The following SMYD3 variants were observed in gnomAD, a reference collection of about 807,000 sequenced individuals.
SMYD3 encodes SET and MYND domain containing 3.
SMYD3 carries 36 observed loss-of-function variants against 57.7 expected under a neutral mutation model. The ratio of observed to expected loss-of-function variants is 0.62; its 90% CI spans 0.48 to 0.82. The LOEUF (loss-of-function observed/expected upper bound fraction) is 0.82. SMYD3 is among the 40% of genes least tolerant of loss of function. The pLI is 0.00. For synonymous variants in SMYD3, 211 were observed against 195.0 expected (o/e 1.08, Z -0.68); for missense variants, 515 against 538.8 (o/e 0.96, Z 0.44).
chr1:246,185,307 G>A (rs961061682), intron 5 of SMYD3, among the ~76,000 whole-genome samples: 2 of 151,896 alleles, frequency 1.3e-5, no homozygotes, highest in Admixed American at 6.6e-5. Flanking sequence ...GCGCGATCTC[G>A]GCTACTGCAA....
chr1:246,446,996 T>G (rs538730210), intron 1 of SMYD3, among the ~76,000 whole-genome samples: 5 of 143,350 alleles, frequency 3.5e-5, no homozygotes, highest in Non-Finnish European at 4.5e-5. Flanking sequence ...GCCACTGCAC[T>G]CCAGCCTCGG....
chr1:245,750,148 C>T (rs1216248407), intron 11 of SMYD3, among the ~76,000 whole-genome samples: 1 of 152,144 alleles, frequency 6.6e-6, no homozygotes, highest in Non-Finnish European at 1.5e-5. Context: ...TCCTTCACTG[C>T]TCATATTTGG....
chr1:246,013,900 A>G (rs1036144656), intron 5 of SMYD3, among the ~76,000 whole-genome samples: 2 of 152,228 alleles, frequency 1.3e-5, no homozygotes, highest in African/African-American at 2.4e-5. Context: ...GCTTTCTGGT[A>G]TACGGTACAC....
intron 5 of SMYD3, among the ~76,000 whole-genome samples, chr1:246,326,595 C>A (rs57901403): frequency 0.28 from 27,261 of 95,848 alleles, 2,640 homozygotes; most frequent in Non-Finnish European, 0.34. Context: ...TCTACAAAAA[C>A]AAAAAAAAAA....
chr1:246,010,282 T>C (rs540657897), intron 5 of SMYD3, among the ~76,000 whole-genome samples: 1 of 152,006 alleles, frequency 6.6e-6, no homozygotes, highest in Admixed American at 6.6e-5. Flanking sequence ...GGATAAAAAT[T>C]GACTTTTAAA....
intron 5 of SMYD3, among the ~76,000 whole-genome samples, chr1:246,092,104 TTAGAC>T (rs1252269284): frequency 6.6e-6 from 1 of 152,168 alleles, no homozygotes; most frequent in Non-Finnish European, 1.5e-5. Flanking sequence ...AAAAGTCAAT[TTAGAC>T]TAAAGGCCAT....
intron 5 of SMYD3, among the ~76,000 whole-genome samples, chr1:246,165,090 G>A (rs542454170): frequency 5.3e-5 from 8 of 152,322 alleles, no homozygotes; most frequent in African/African-American, 1.9e-4. Context: ...CCAGGGAAAA[G>A]CGTTCCCGAA....
chr1:245,953,253 G>C, intron 5 of SMYD3: 1 of 999,874 alleles, frequency 1.0e-6, no homozygotes, highest in Non-Finnish European at 1.2e-6. Flanking sequence ...TTCTTCCATA[G>C]TTTAAATTTG....
chr1:246,346,205 A>T (rs1222022100), intron 2 of SMYD3, among the ~76,000 whole-genome samples: 1 of 152,236 alleles, frequency 6.6e-6, no homozygotes, highest in East Asian at 1.9e-4. Flanking sequence ...AATGGCGTGA[A>T]TCCGGGAGGC....
At chr1:245,866,188 G>A (rs548204049) in intron 8 of SMYD3, among the ~76,000 whole-genome samples, 5 of 152,274 alleles carry the variant, frequency 3.3e-5, no homozygotes, top group East Asian at 3.9e-4. Flanking sequence ...AGAGCACCAC[G>A]AACCACAGAA....
At chr1:245,956,812 T>C (rs1431651847) in intron 5 of SMYD3, among the ~76,000 whole-genome samples, 1 of 152,230 alleles carries the variant, frequency 6.6e-6, no homozygotes, top group African/African-American at 2.4e-5. Flanking sequence ...TTCCATTCTG[T>C]TGGAGCAATG....
intron 8 of SMYD3, among the ~76,000 whole-genome samples, chr1:245,904,148 A>C (rs1462348240): frequency 6.6e-6 from 1 of 152,140 alleles, no homozygotes; most frequent in African/African-American, 2.4e-5. Flanking sequence ...CTCACAGGTC[A>C]AGGGAAGAAC....
chr1:245,802,541 T>C (rs2047922233), intron 10 of SMYD3, among the ~76,000 whole-genome samples: 1 of 152,098 alleles, frequency 6.6e-6, no homozygotes, highest in Admixed American at 6.6e-5. Flanking sequence ...AAAGCAGGAG[T>C]ATTGCAGTAC....
At chr1:245,884,162 C>A (rs1224996137) in intron 8 of SMYD3, among the ~76,000 whole-genome samples, 5 of 152,106 alleles carry the variant, frequency 3.3e-5, no homozygotes, top group Admixed American at 3.3e-4. Flanking sequence ...AAGGTCAGTA[C>A]ATCGAATCCA....
At chr1:246,406,940 A>T (rs540861573) in intron 1 of SMYD3, among the ~76,000 whole-genome samples, 3 of 152,262 alleles carry the variant, frequency 2.0e-5, no homozygotes, top group African/African-American at 7.2e-5. Context: ...AGGCAAGGAG[A>T]AGTCTCTTGG....
At chr1:245,887,859 A>G (rs1335050900) in intron 8 of SMYD3, among the ~76,000 whole-genome samples, 1 of 152,212 alleles carries the variant, frequency 6.6e-6, no homozygotes, top group Non-Finnish European at 1.5e-5. Context: ...TGAGGAAGAA[A>G]GAAAGGGACA....
At chr1:246,060,239 G>A (rs901430564) in intron 5 of SMYD3, among the ~76,000 whole-genome samples, 2 of 151,952 alleles carry the variant, frequency 1.3e-5, no homozygotes, top group African/African-American at 4.8e-5. Context: ...AGTGAGCCAC[G>A]ATTATGCCAC....
intron 8 of SMYD3, among the ~76,000 whole-genome samples, chr1:245,867,379 T>C (rs1157594233): frequency 6.6e-6 from 1 of 152,230 alleles, no homozygotes; most frequent in Admixed American, 6.5e-5. Flanking sequence ...TGAGATGCTA[T>C]ATTTATGATC....
At chr1:246,356,528 T>C (rs1400104167) in intron 1 of SMYD3, among the ~76,000 whole-genome samples, 4 of 152,132 alleles carry the variant, frequency 2.6e-5, no homozygotes, top group African/African-American at 9.7e-5. Context: ...GAACTCCAAC[T>C]TAAAGAAATC....
Sources: allele counts gnomAD v4.1 joint callset (sites outside exome capture counted in the v4.1 genomes callset), GRCh38; gene constraint gnomAD v4.1.1; transcripts MANE v1.5; gene names NCBI Gene and HGNC (gene_info 2026-07-23, HGNC 2026-07-21).